The following HECW1 variants were observed in gnomAD, a reference collection of about 807,000 sequenced individuals.
HECW1 encodes HECT, C2 and WW domain containing E3 ubiquitin protein ligase 1, also known as E3 ubiquitin-protein ligase HECW1.
A neutral mutation model predicts 182.3 loss-of-function variants in HECW1; 61 were observed. The observed-to-expected ratio is 0.33, with a 90% CI of 0.27 to 0.41. The LOEUF is 0.41. Among genes scored for constraint, HECW1 ranks in the 10% least tolerant of loss-of-function variants. The probability of loss-of-function intolerance (pLI) is 1.00; values close to 1 mark genes in which losing one functional copy is unlikely to be tolerated. For synonymous variants in HECW1, 859 were observed against 832.6 expected, an observed-to-expected ratio of 1.03 and a Z score of -0.55; for missense variants, 1,739 against 2,108.9, an observed-to-expected ratio of 0.82 and a Z score of 3.44.
At chr7:43,539,457 C>T (rs1371288832) in intron 24 of HECW1, among the ~76,000 whole-genome samples, 1 of 152,136 alleles carries the variant, frequency 6.6e-6, no homozygotes, top group African/African-American at 2.4e-5. Flanking sequence ...GGTTATCGGT[C>T]TATTTAAGTT....
rs954558912 is a variant in HECW1 at position 43,258,036 on chromosome 7, G to A, written c.27+14104G>A. Among the ~76,000 whole-genome samples, 15 of 152,060 alleles carry A rather than the reference G, an allele frequency of 9.9e-5. No individual in the cohort carries two copies. In the East Asian group the frequency reaches 2.3e-3, roughly 23 times the overall value. On this transcript the variant is annotated intron_variant, in intron 3 of 29. Transcript: ENST00000395891. ...AATTGAAAATCAGAAAGTTTAATGC[G>A]ATGTTAGAATTACACAGTAAAGGCC...
intron 8 of HECW1, among the ~76,000 whole-genome samples, chr7:43,409,149 TCCCAGGCTTCC>T (rs1458402127): frequency 1.3e-5 from 2 of 152,240 alleles, no homozygotes; most frequent in East Asian, 1.9e-4. Flanking sequence ...ATTAGCGCTC[TCCCAGGCTTCC>T]CAGAAGAGCT....
chr7:43,562,462 A>G lies in HECW1; in HGVS notation c.*536A>G. On this transcript the variant is annotated 3_prime_UTR_variant, in exon 30 of 30. Transcript: ENST00000395891. Reference sequence around the variant, plus strand: ...GCATAATATCCATCCAAAGGACAACAGTGGCAAAGCTGAAATTTTTATACA... The same window carrying G: ...GCATAATATCCATCCAAAGGACAACGGTGGCAAAGCTGAAATTTTTATACA... 1 of 228,326 alleles carries G rather than the reference A, an allele frequency of 4.4e-6. No individual in the cohort carries two copies. Among genetic ancestry groups the G allele is most frequent in the East Asian group, 6.3e-5 (1 of 15,896 alleles). The allele number at this position is 228,326 out of a possible 1,614,324, so 14.1% of individuals were successfully genotyped here. A position where few individuals can be genotyped will look rare whatever the true frequency, so the allele number is the denominator to read the frequency against.
intron 28 of HECW1, among the ~76,000 whole-genome samples, chr7:43,554,206 A>G (rs1181016511): frequency 1.3e-5 from 2 of 152,234 alleles, no homozygotes; most frequent in Non-Finnish European, 2.9e-5. Context: ...CTAAGACAGC[A>G]AAACAAAGGA....
chr7:43,393,219 A>T (rs1562927323), intron 6 of HECW1, among the ~76,000 whole-genome samples: 1 of 152,162 alleles, frequency 6.6e-6, no homozygotes, highest in Non-Finnish European at 1.5e-5. Flanking sequence ...AAGCAGTTAG[A>T]ATGGTAGTCA....
At chr7:43,349,402 T>C (rs1290412264) in intron 5 of HECW1, among the ~76,000 whole-genome samples, 6 of 152,206 alleles carry the variant, frequency 3.9e-5, no homozygotes, top group Admixed American at 3.9e-4. Flanking sequence ...AAGTCCATTG[T>C]TTCTTTGTTG....
At chr7:43,389,117 A>G (rs2074917924) in intron 6 of HECW1, among the ~76,000 whole-genome samples, 1 of 152,198 alleles carries the variant, frequency 6.6e-6, no homozygotes, top group Non-Finnish European at 1.5e-5. Flanking sequence ...ATTCTCACGC[A>G]AGTCAGGGAA....
At chr7:43,251,356 C>A (rs1302719701) in intron 3 of HECW1, among the ~76,000 whole-genome samples, 2 of 152,160 alleles carry the variant, frequency 1.3e-5, no homozygotes, top group Non-Finnish European at 2.9e-5. Context: ...ATCACCCAGA[C>A]TGGAGTGCGA....
In HECW1 at chr7:43,243,961, C is replaced by G; in HGVS notation, c.27+29C>G. 3 of 1,549,540 alleles carry G rather than the reference C, an allele frequency of 1.9e-6. No individual in the cohort carries two copies. Among genetic ancestry groups the G allele is most frequent in the Non-Finnish European group, 2.7e-6 (3 of 1,121,056 alleles). ...AGTGTGCTTTTCTGATTATAAGAAA[C>G]CATCCATGTCATTCCATTATAAACC... On this transcript the variant is annotated intron_variant, in intron 3 of 29. Transcript: ENST00000395891. The surrounding 1 kb of genome is among the most constrained non-coding windows in gnomAD (Gnocchi z 4.0).
intron 2 of HECW1, among the ~76,000 whole-genome samples, chr7:43,204,825 T>G (rs113053695): frequency 4.6e-5 from 7 of 152,310 alleles, no homozygotes; most frequent in African/African-American, 1.7e-4. Flanking sequence ...GGACAGGACA[T>G]AGTTTTGCCA....
intron 17 of HECW1, among the ~76,000 whole-genome samples, chr7:43,480,736 T>TAC (rs778153881): frequency 1.4e-4 from 20 of 138,902 alleles, no homozygotes; most frequent in Non-Finnish European, 2.5e-4. Flanking sequence ...TATATATATA[T>TAC]ACACACACAC....
rs1259893011 is a variant in HECW1 at position 43,430,067 on chromosome 7, C to T, written c.802-7936C>T. On this transcript the variant is annotated intron_variant, in intron 8 of 29. Transcript: ENST00000395891. ...TAACTTTCCTTACCAGTTTTCCATCCTTAACCTTTTCTGAATTTCATAAAT... is the reference window on the plus strand; with the variant it reads ...TAACTTTCCTTACCAGTTTTCCATCTTTAACCTTTTCTGAATTTCATAAAT... Among the ~76,000 whole-genome samples the T allele has an allele frequency of 2.0e-5, 3 of 152,226 alleles. No individual in the cohort carries two copies. In the South Asian group the frequency reaches 6.2e-4, roughly 31 times the overall value.
intron 5 of HECW1, among the ~76,000 whole-genome samples, chr7:43,343,920 T>C (rs1813346095): frequency 6.6e-6 from 1 of 151,824 alleles, no homozygotes; most frequent in Non-Finnish European, 1.5e-5. Flanking sequence ...CAGCATCTGT[T>C]GTTTCCTGAC....
chr7:43,223,007 G>A (rs745453160), intron 2 of HECW1, among the ~76,000 whole-genome samples: 1 of 152,146 alleles, frequency 6.6e-6, no homozygotes, highest in Non-Finnish European at 1.5e-5. Context: ...AACAGAAAAT[G>A]TCCGAAACCA....
intron 8 of HECW1, among the ~76,000 whole-genome samples, chr7:43,425,160 A>G (rs2076316608): frequency 6.6e-6 from 1 of 152,132 alleles, no homozygotes; most frequent in African/African-American, 2.4e-5. Flanking sequence ...CAAGCTTTCA[A>G]GCCCAGCTAA....
intron 5 of HECW1, among the ~76,000 whole-genome samples, chr7:43,338,824 A>T (rs963711035): frequency 7.4e-6 from 1 of 135,250 alleles, no homozygotes. Context: ...ATTTTCCTCT[A>T]AAAAAAAAAA....
At chr7:43,420,228 G>A (rs2076136537) in intron 8 of HECW1, among the ~76,000 whole-genome samples, 1 of 152,100 alleles carries the variant, frequency 6.6e-6, no homozygotes, top group African/African-American at 2.4e-5. Context: ...TGCTTCTAAG[G>A]GAAGTTACTA....
intron 2 of HECW1, among the ~76,000 whole-genome samples, chr7:43,186,984 A>G (rs922525637): frequency 1.1e-4 from 16 of 152,192 alleles, no homozygotes; most frequent in Non-Finnish European, 2.2e-4. Flanking sequence ...ATTTTCTCAC[A>G]GTTTCTGAGG....
chr7:43,240,612 T>C (rs958776328), intron 2 of HECW1, among the ~76,000 whole-genome samples: 6 of 152,184 alleles, frequency 3.9e-5, no homozygotes, highest in Non-Finnish European at 8.8e-5. Flanking sequence ...AGGAGAAACA[T>C]CCTGCTTGGT....
Sources: gnomAD v4.1 joint callset for allele counts (sites outside exome capture counted in the v4.1 genomes callset) on GRCh38, gnomAD v4.1.1 for gene constraint, Gnocchi (gnomAD v3.1) non-coding constraint, MANE v1.5 for transcripts, NCBI Gene and HGNC (gene_info 2026-07-23, HGNC 2026-07-21) for gene names.